The following PLEKHG1 variants were observed in gnomAD, a reference collection of about 807,000 sequenced individuals.
PLEKHG1 encodes the protein pleckstrin homology and RhoGEF domain containing G1, also known as pleckstrin homology domain-containing family G member 1.
A neutral mutation model predicts 100.8 loss-of-function variants in PLEKHG1; 44 were observed. The ratio of observed to expected loss-of-function variants is 0.44; its 90% CI spans 0.34 to 0.56. PLEKHG1 has a LOEUF of 0.56. PLEKHG1 is among the 20% of genes least tolerant of loss of function. The pLI, the probability that PLEKHG1 is intolerant of heterozygous loss-of-function variation, is 0.01. For missense variants in PLEKHG1, 1,545 were observed against 1,720.9 expected (o/e 0.90, Z 1.81); for synonymous variants, 640 against 662.5 (o/e 0.97, Z 0.52).
rs1249621721 is a variant in PLEKHG1, at chr6:150,697,953, T to TG, written c.-98-35631_-98-35630insG. Among the ~76,000 whole-genome samples, 15 of 152,228 alleles carry TG rather than the reference T, an allele frequency of 9.9e-5. No homozygotes were observed. The South Asian group carries it at 2.7e-3, about 27-fold the overall frequency. ...TTTTTTTTTTTGTTGTTGGGTTTTT[T>TG]TTTGTTTGTTTTTAAAGAATGTTAT... On this transcript the variant is annotated intron_variant, in intron 3 of 3. Transcript: ENST00000367326.
At chr6:150,687,844 A>AT (rs940021353) in intron 3 of PLEKHG1, among the ~76,000 whole-genome samples, 1 of 152,130 alleles carries the variant, frequency 6.6e-6, no homozygotes, top group Non-Finnish European at 1.5e-5. Flanking sequence ...TATACCAGAC[A>AT]TTTTTTTAGG....
intron 2 of PLEKHG1, among the ~76,000 whole-genome samples, chr6:150,737,281 A>ATTCCTTTTTT (rs1298907384): frequency 3.4e-5 from 4 of 117,030 alleles, no homozygotes; most frequent in African/African-American, 9.5e-5. Context: ...TCATATGGGT[A>ATTCCTTTTTT]TTTTTTTTTT....
At chr6:150,650,318 C>T (rs2128573485) in intron 2 of PLEKHG1, among the ~76,000 whole-genome samples, 1 of 152,284 alleles carries the variant, frequency 6.6e-6, no homozygotes, top group Non-Finnish European at 1.5e-5. Flanking sequence ...GCTTCATGGC[C>T]TCGCGTTTTC....
At chr6:150,684,588 C>A (rs1780053025) in intron 3 of PLEKHG1, among the ~76,000 whole-genome samples, 1 of 152,070 alleles carries the variant, frequency 6.6e-6, no homozygotes, top group South Asian at 2.1e-4. Flanking sequence ...CCTGTGTCTC[C>A]CCTTGGACTT....
At chr6:150,716,892 C>T (rs1304273902), upstream of PLEKHG1, among the ~76,000 whole-genome samples, 2 of 152,164 alleles carry the variant, frequency 1.3e-5, no homozygotes, top group African/African-American at 4.8e-5. Context: ...TGCTCTGTCA[C>T]CCAGGCTGGA....
chr6:150,802,664 A>ATTTCTTT (rs57482989), intron 6 of PLEKHG1, among the ~76,000 whole-genome samples: 5 of 143,432 alleles, frequency 3.5e-5, no homozygotes, highest in African/African-American at 7.7e-5. Context: ...CATTCACATC[A>ATTTCTTT]TTTTTTTTTT....
At chr6:150,673,637 T>TCCTTCCTTTCTTTCCCTCTTC (rs1779647193) in intron 3 of PLEKHG1, among the ~76,000 whole-genome samples, 1 of 151,716 alleles carries the variant, frequency 6.6e-6, no homozygotes, top group Admixed American at 6.6e-5. Context: ...CTTCCTTCTT[T>TCCTTCCTTTCTTTCCCTCTTC]CCTTCCTTTC....
At chr6:150,667,910 G>C (rs1363327177) in intron 3 of PLEKHG1, among the ~76,000 whole-genome samples, 1 of 152,182 alleles carries the variant, frequency 6.6e-6, no homozygotes, top group Admixed American at 6.5e-5. Flanking sequence ...CCCATCAGCA[G>C]GTATTAAAAT....
chr6:150,780,231 G>C (rs1467747264), intron 3 of PLEKHG1, among the ~76,000 whole-genome samples: 1 of 150,970 alleles, frequency 6.6e-6, no homozygotes, highest in Non-Finnish European at 1.5e-5. Flanking sequence ...CACCTCATGG[G>C]TTCAAGTGAT....
chr6:150,664,232 C>G (rs530245157), intron 3 of PLEKHG1: 5 of 152,352 alleles, frequency 3.3e-5, no homozygotes, highest in Admixed American at 3.3e-4. Context: ...AACCTCTTCA[C>G]AGCCTTTCAA....
chr6:150,642,167 G>A (rs1011823079), intron 2 of PLEKHG1, among the ~76,000 whole-genome samples: 1 of 152,126 alleles, frequency 6.6e-6, no homozygotes, highest in Non-Finnish European at 1.5e-5. Flanking sequence ...TTATGAGATA[G>A]TACAACTTTG....
At chr6:150,636,189 A>C (rs947388651) in intron 1 of PLEKHG1, among the ~76,000 whole-genome samples, 2 of 152,208 alleles carry the variant, frequency 1.3e-5, no homozygotes, top group Non-Finnish European at 2.9e-5. Flanking sequence ...ACAAACTTCA[A>C]AGTATTAATG....
intron 10 of PLEKHG1, among the ~76,000 whole-genome samples, chr6:150,815,414 T>G (rs1787810391): frequency 6.6e-6 from 1 of 152,262 alleles, no homozygotes; most frequent in Non-Finnish European, 1.5e-5. Context: ...GGGAACTTCT[T>G]GGAAATAGCC....
chr6:150,674,511 G>A (rs2128586281), intron 3 of PLEKHG1, among the ~76,000 whole-genome samples: 1 of 152,244 alleles, frequency 6.6e-6, no homozygotes, highest in African/African-American at 2.4e-5. Context: ...AGAGTAGAGA[G>A]CTAGCCAGGT....
chr6:150,726,921 C>G (rs1260872906), intron 1 of PLEKHG1, among the ~76,000 whole-genome samples: 1 of 152,158 alleles, frequency 6.6e-6, no homozygotes, highest in African/African-American at 2.4e-5. Context: ...TTAACTTGGA[C>G]TCTTAAACAT....
chr6:150,725,649 T>A (rs1216284569), intron 1 of PLEKHG1, among the ~76,000 whole-genome samples: 1 of 152,220 alleles, frequency 6.6e-6, no homozygotes, highest in Non-Finnish European at 1.5e-5. Flanking sequence ...TAGTTTGATG[T>A]AGTCTCACTT....
intron 3 of PLEKHG1, among the ~76,000 whole-genome samples, chr6:150,668,307 G>A (rs1779477194): frequency 1.3e-5 from 2 of 152,166 alleles, no homozygotes; most frequent in African/African-American, 4.8e-5. Context: ...AAAAGTGATT[G>A]GATTCTTTAT....
chr6:150,701,765 GAAT>G (rs1780801755), intron 3 of PLEKHG1, among the ~76,000 whole-genome samples: 1 of 151,692 alleles, frequency 6.6e-6, no homozygotes, highest in Non-Finnish European at 1.5e-5. Context: ...ACAAAAAAAA[GAAT>G]AAAATTAGTT....
chr6:150,695,579 G>A (rs978775612), intron 3 of PLEKHG1, among the ~76,000 whole-genome samples: 1 of 152,202 alleles, frequency 6.6e-6, no homozygotes, highest in Non-Finnish European at 1.5e-5. Flanking sequence ...TTGGACTTGT[G>A]TAGCTTGCCT....
Sources: gnomAD v4.1 joint callset for allele counts (sites outside exome capture counted in the v4.1 genomes callset) on GRCh38, gnomAD v4.1.1 for gene constraint, MANE v1.5 for transcripts, NCBI Gene and HGNC (gene_info 2026-07-23, HGNC 2026-07-21) for gene names.